The following MARCHF1 variants were observed in gnomAD, a reference collection of about 807,000 sequenced individuals.
The protein encoded by MARCHF1 is E3 ubiquitin-protein ligase MARCHF1.
Under a neutral mutation model 54.2 loss-of-function variants are expected in MARCHF1, and 40 were observed. The observed-to-expected ratio is 0.74, with a 90% CI of 0.57 to 0.96. The LOEUF (loss-of-function observed/expected upper bound fraction) is 0.96, where lower values mean the gene tolerates loss of function less well. MARCHF1 is among the 40% of genes least tolerant of loss of function. MARCHF1 has a pLI of 0.00. For missense variants in MARCHF1, 586 were observed against 656.5 expected (o/e 0.89, Z 1.17); for synonymous variants, 236 against 236.3 (o/e 1.00, Z 0.01).
intron 4 of MARCHF1, among the ~76,000 whole-genome samples, chr4:163,800,697 A>G (rs935268094): frequency 6.6e-6 from 1 of 152,116 alleles, no homozygotes; most frequent in Non-Finnish European, 1.5e-5. Flanking sequence ...GCTTTAGAAA[A>G]TTATTATGTC....
intron 1 of MARCHF1, among the ~76,000 whole-genome samples, chr4:164,257,647 A>T (rs1179234066): frequency 6.6e-6 from 1 of 152,024 alleles, no homozygotes; most frequent in African/African-American, 2.4e-5. Flanking sequence ...AATGTTTAAT[A>T]AAACATAGAA....
intron 1 of MARCHF1, among the ~76,000 whole-genome samples, chr4:164,275,328 C>A (rs1451230263): frequency 1.3e-5 from 2 of 152,144 alleles, no homozygotes; most frequent in African/African-American, 2.4e-5. Context: ...CAGACTACTA[C>A]CGCAAACAGC....
At chr4:163,668,951 T>C (rs535365084) in intron 5 of MARCHF1, among the ~76,000 whole-genome samples, 1 of 152,226 alleles carries the variant, frequency 6.6e-6, no homozygotes, top group Admixed American at 6.5e-5. Flanking sequence ...GTCCTTGAGA[T>C]CCATCCATTT....
At chr4:163,921,530 TGAA>T (rs1239180061) in intron 3 of MARCHF1, among the ~76,000 whole-genome samples, 6 of 152,126 alleles carry the variant, frequency 3.9e-5, no homozygotes, top group African/African-American at 1.2e-4. Flanking sequence ...AATCAAAACT[TGAA>T]GAGAGTACAG....
At chr4:164,008,505 A>T (rs1299030854) in intron 2 of MARCHF1, among the ~76,000 whole-genome samples, 1 of 152,126 alleles carries the variant, frequency 6.6e-6, no homozygotes, top group Admixed American at 6.5e-5. Context: ...TTTACATAAC[A>T]TTTCATCCAA....
intron 1 of MARCHF1, among the ~76,000 whole-genome samples, chr4:164,142,063 C>G (rs1045918196): frequency 3.3e-5 from 5 of 152,076 alleles, no homozygotes; most frequent in Admixed American, 6.5e-5. Flanking sequence ...GGGTGACAGA[C>G]GGCACCTGGA....
At chr4:163,811,890 T>C (rs901481754) in intron 4 of MARCHF1, among the ~76,000 whole-genome samples, 1 of 152,176 alleles carries the variant, frequency 6.6e-6, no homozygotes, top group African/African-American at 2.4e-5. Flanking sequence ...TTAAACATTA[T>C]TTCTGAGTGT....
intron 1 of MARCHF1, among the ~76,000 whole-genome samples, chr4:164,135,875 A>G (rs2195697): frequency 0.41 from 62,162 of 152,016 alleles, 13,973 homozygotes; most frequent in Non-Finnish European, 0.5. Flanking sequence ...AACTCAATAA[A>G]TGAGAATGTT....
intron 4 of MARCHF1, among the ~76,000 whole-genome samples, chr4:163,772,698 C>G (rs1747194767): frequency 6.6e-6 from 1 of 152,164 alleles, no homozygotes; most frequent in Middle Eastern, 3.4e-3. Context: ...CCATCTGCCA[C>G]TAGCCAAAGA....
At chr4:163,808,460 C>T (rs191697536) in intron 4 of MARCHF1, among the ~76,000 whole-genome samples, 8 of 152,176 alleles carry the variant, frequency 5.3e-5, no homozygotes, top group South Asian at 2.1e-4. Context: ...TTGGTTAACA[C>T]GAGTGTTTTT....
intron 1 of MARCHF1, among the ~76,000 whole-genome samples, chr4:164,319,831 G>A (rs1285747183): frequency 1.3e-5 from 2 of 152,028 alleles, no homozygotes; most frequent in African/African-American, 4.8e-5. Context: ...AATGAGAACA[G>A]CAAAGCAATA....
intron 1 of MARCHF1, among the ~76,000 whole-genome samples, chr4:164,203,705 T>C (rs1037810658): frequency 4.0e-4 from 61 of 152,308 alleles, no homozygotes; most frequent in African/African-American, 1.4e-3. Flanking sequence ...AGTTGACATA[T>C]AATATATCCG....
chr4:163,892,679 A>G (rs1750687051), intron 3 of MARCHF1, among the ~76,000 whole-genome samples: 1 of 152,044 alleles, frequency 6.6e-6, no homozygotes, highest in South Asian at 2.1e-4. Flanking sequence ...TTAAAGAGTT[A>G]TCAATTTATG....
intron 4 of MARCHF1, among the ~76,000 whole-genome samples, chr4:163,831,595 C>A (rs4508844): frequency 1.3e-4 from 19 of 151,916 alleles, no homozygotes; most frequent in African/African-American, 4.6e-4. Flanking sequence ...TAAAATTAAT[C>A]AATTAAATTT....
At chr4:164,018,300 TAAC>T (rs952047049) in intron 2 of MARCHF1, among the ~76,000 whole-genome samples, 5 of 151,890 alleles carry the variant, frequency 3.3e-5, no homozygotes, top group African/African-American at 9.7e-5. Context: ...TTTATTCAAA[TAAC>T]AACTACCATG....
chr4:163,781,117 G>C (rs564214675), intron 4 of MARCHF1, among the ~76,000 whole-genome samples: 18 of 148,294 alleles, frequency 1.2e-4, no homozygotes, highest in Admixed American at 7.6e-4. Flanking sequence ...GCCAAGGGGC[G>C]GGGGGGGTGG....
rs1738186907 is a variant in MARCHF1, at chr4:163,527,886, AAATT to A, written c.*858_*861del. On this transcript the variant is annotated 3_prime_UTR_variant, in exon 10 of 10. Transcript: ENST00000514618. ...AACATATAGTGTTTTTAAAAAATCA[AAATT>A]CATTTTAACAAACAAACATTTATTT... 6.6e-6 allele frequency: 1 copy of A among 152,192 alleles called. No homozygotes were observed. Among genetic ancestry groups the A allele is most frequent in the African/African-American group, 2.4e-5 (1 of 41,448 alleles). The allele number at this position is 152,192 out of a possible 1,614,324, so 9.4% of individuals were successfully genotyped here.
chr4:163,863,506 A>G (rs1749985862), intron 3 of MARCHF1, among the ~76,000 whole-genome samples: 1 of 152,068 alleles, frequency 6.6e-6, no homozygotes, highest in African/African-American at 2.4e-5. Context: ...AGCAAGTGGA[A>G]AAGCATATGC....
intron 1 of MARCHF1, among the ~76,000 whole-genome samples, chr4:164,142,557 G>A (rs1170256955): frequency 6.6e-6 from 1 of 152,122 alleles, no homozygotes; most frequent in African/African-American, 2.4e-5. Flanking sequence ...CCCCAGCAGG[G>A]GCACACTGAC....
Sources: allele counts gnomAD v4.1 joint callset (sites outside exome capture counted in the v4.1 genomes callset), GRCh38; gene constraint gnomAD v4.1.1; transcripts MANE v1.5; gene names NCBI Gene and HGNC (gene_info 2026-07-23, HGNC 2026-07-21).